Variants in STXBP6 observed in about 807,000 individuals in gnomAD.
The protein encoded by STXBP6 is syntaxin-binding protein 6.
A neutral mutation model predicts 26.9 loss-of-function variants in STXBP6; 21 were observed. The observed-to-expected ratio is 0.78, with a 90% confidence interval of 0.55 to 1.12. STXBP6 has a LOEUF of 1.12. Ranked by LOEUF, STXBP6 falls within the 50% of genes most tolerant of loss-of-function variation. The pLI, the probability that STXBP6 is intolerant of heterozygous loss-of-function variation, is 0.00. For synonymous variants in STXBP6, 97 were observed against 92.6 expected, an observed-to-expected ratio of 1.05 and a Z score of -0.27; for missense variants, 232 against 257.9, an observed-to-expected ratio of 0.90 and a Z score of 0.69.
intron 1 of STXBP6, among the ~76,000 whole-genome samples, chr14:25,036,725 A>G (rs58640442): frequency 0.061 from 9,221 of 151,768 alleles, 360 homozygotes; most frequent in East Asian, 0.17. Flanking sequence ...GCGTGGTGGC[A>G]GGCGCCTGTA....
intron 2 of STXBP6, among the ~76,000 whole-genome samples, chr14:24,970,227 C>T (rs531223623): frequency 6.9e-4 from 103 of 149,694 alleles, no homozygotes; most frequent in African/African-American, 2.3e-3. Flanking sequence ...GGCAACAGAA[C>T]GAGACTCCGT....
intron 2 of STXBP6, among the ~76,000 whole-genome samples, chr14:24,974,345 C>T (rs144213075): frequency 9.7e-4 from 148 of 152,336 alleles, no homozygotes; most frequent in African/African-American, 3.3e-3. Flanking sequence ...TGTTCTAAAA[C>T]GAGAATTCCA....
chr14:24,926,771 G>T (rs542808902), intron 2 of STXBP6, among the ~76,000 whole-genome samples: 25 of 152,018 alleles, frequency 1.6e-4, no homozygotes, highest in Non-Finnish European at 2.8e-4. Context: ...TGTGAACATG[G>T]GCACATTACC....
In STXBP6 at chr14:24,812,520, A is replaced by G. The variant is rs2067850951; in HGVS notation, c.*189T>C. 1.6e-6 allele frequency: 1 copy of G among 609,416 alleles called. No individual in the cohort carries two copies. The allele number at this position is 609,416 out of a possible 1,614,324, so 37.8% of individuals were successfully genotyped here. On this transcript the variant is annotated 3_prime_UTR_variant, in exon 6 of 6. Transcript: ENST00000323944. ...TGCTATTGTAGCATTTATTAGCAAG[A>G]TCATTAGGGAAATGTAAAAATGCAA...
chr14:24,981,966 T>C (rs2074204927), intron 1 of STXBP6, among the ~76,000 whole-genome samples: 1 of 152,152 alleles, frequency 6.6e-6, no homozygotes, highest in South Asian at 2.1e-4. Flanking sequence ...GAAAATGAGC[T>C]CATGAATTTG....
At chr14:24,929,142 C>A (rs2139878864) in intron 2 of STXBP6, among the ~76,000 whole-genome samples, 1 of 152,338 alleles carries the variant, frequency 6.6e-6, no homozygotes, top group Admixed American at 6.5e-5. Flanking sequence ...TTCAACCAAT[C>A]CCAAGCACAA....
At chr14:24,866,296 T>C (rs569368886) in intron 2 of STXBP6, among the ~76,000 whole-genome samples, 1 of 152,238 alleles carries the variant, frequency 6.6e-6, no homozygotes, top group Admixed American at 6.5e-5. Context: ...ATTTTGGACT[T>C]CCCAGTCTCC....
rs1365018620 is a variant in STXBP6, at chr14:24,833,940, C to T, written c.452-14746G>A. On this transcript the variant is annotated intron_variant, in intron 4 of 5. Coordinates refer to ENST00000323944, the MANE Select transcript of STXBP6 (RefSeq NM_001394410.1). Reference sequence around the variant, plus strand: ...TCCATTTAGAATATAGAGGAAGGCACGATTTTCACACCTCCTCTGTTTAAA... The same window carrying T: ...TCCATTTAGAATATAGAGGAAGGCATGATTTTCACACCTCCTCTGTTTAAA... 5.3e-5 allele frequency among the ~76,000 whole-genome samples: 8 copies of T among 152,078 alleles called. No individual in the cohort carries two copies. The South Asian group carries it at 1.5e-3, about 28-fold the overall frequency.
At chr14:24,934,625 A>T (rs1323129778) in intron 2 of STXBP6, among the ~76,000 whole-genome samples, 1 of 152,196 alleles carries the variant, frequency 6.6e-6, no homozygotes, top group Non-Finnish European at 1.5e-5. Context: ...ATAAGCATCA[A>T]ATCCATTAAC....
chr14:24,999,669 CT>C (rs1030769436), intron 1 of STXBP6, among the ~76,000 whole-genome samples: 7 of 152,044 alleles, frequency 4.6e-5, no homozygotes, highest in African/African-American at 1.7e-4. Flanking sequence ...GAAGGTACAA[CT>C]TTTTGGGGGT....
intron 1 of STXBP6, among the ~76,000 whole-genome samples, chr14:25,036,214 CAAAAAA>C (rs559433301): frequency 2.0e-3 from 165 of 80,712 alleles, no homozygotes; most frequent in African/African-American, 5.5e-3. Context: ...AAGACTCCAT[CAAAAAA>C]AAAAAAAAAA....
At chr14:24,877,286 C>T (rs528681653) in intron 2 of STXBP6, among the ~76,000 whole-genome samples, 9 of 152,276 alleles carry the variant, frequency 5.9e-5, no homozygotes, top group Non-Finnish European at 1.2e-4. Flanking sequence ...TTGCTGACTA[C>T]TTGTTCTTTT....
chr14:24,925,081 C>T lies in STXBP6; in HGVS notation c.154+49584G>A, dbSNP rs570221862. Among the ~76,000 whole-genome samples the T allele has an allele frequency of 5.3e-5, 8 of 152,286 alleles. No individual in the cohort carries two copies. In the South Asian group the frequency reaches 1.7e-3, roughly 32 times the overall value. On this transcript the variant is annotated intron_variant, in intron 2 of 5. Transcript: ENST00000323944. ...ATAAACTACTCAGTCACAAATGTAC[C>T]TCACTTTCAAAATCTGTGACATGTA...
chr14:24,977,803 C>T (rs1351647655), intron 1 of STXBP6, among the ~76,000 whole-genome samples: 1 of 151,994 alleles, frequency 6.6e-6, no homozygotes. Context: ...AAGTGAAACC[C>T]AACTTTATTT....
At chr14:24,973,056 T>C (rs893411250) in intron 2 of STXBP6, among the ~76,000 whole-genome samples, 2 of 151,868 alleles carry the variant, frequency 1.3e-5, no homozygotes, top group South Asian at 2.1e-4. Context: ...AGGTCAAGGC[T>C]ACAGTGAGCC....
Position 24,958,240 on chromosome 14 carries a change from C to T in STXBP6, c.154+16425G>A, listed in dbSNP as rs533231504. ...CCCATACCAAAGTACTTATAATGCT[C>T]ACTACATTGTATAACACCAAGCACT... On this transcript the variant is annotated intron_variant, in intron 2 of 5. Transcript: ENST00000323944. 6.6e-5 allele frequency among the ~76,000 whole-genome samples: 10 copies of T among 152,192 alleles called. No homozygotes were observed. The South Asian group carries it at 2.1e-3, about 32-fold the overall frequency.
At chr14:24,938,595 GAA>G (rs75008425) in intron 2 of STXBP6, among the ~76,000 whole-genome samples, 3 of 116,666 alleles carry the variant, frequency 2.6e-5, no homozygotes, top group Admixed American at 8.6e-5. Flanking sequence ...GAAAAACCAG[GAA>G]AAAAAAAAAA....
chr14:25,014,911 A>T (rs1364684629), intron 1 of STXBP6, among the ~76,000 whole-genome samples: 1 of 152,162 alleles, frequency 6.6e-6, no homozygotes, highest in East Asian at 1.9e-4. Flanking sequence ...ATTTCTCTCA[A>T]TCTCCCAAAT....
At chr14:24,925,453 T>A (rs2072128685) in intron 2 of STXBP6, among the ~76,000 whole-genome samples, 1 of 152,134 alleles carries the variant, frequency 6.6e-6, no homozygotes, top group South Asian at 2.1e-4. Flanking sequence ...AAATACCCTA[T>A]GAGATAATGT....
Sources: gnomAD v4.1 joint callset for allele counts (sites outside exome capture counted in the v4.1 genomes callset) on GRCh38, gnomAD v4.1.1 for gene constraint, MANE v1.5 for transcripts, NCBI Gene and HGNC (gene_info 2026-07-23, HGNC 2026-07-21) for gene names.